The following NUP98 variants were observed in gnomAD, a reference collection of about 807,000 sequenced individuals.
NUP98 encodes nucleoporin 98 and 96 precursor, also known as nuclear pore complex protein Nup98-Nup96.
A neutral mutation model predicts 191.9 loss-of-function variants in NUP98; 26 were observed. That is an observed-to-expected ratio of 0.14 (90% CI 0.10 to 0.19). The LOEUF (loss-of-function observed/expected upper bound fraction) is 0.19, where lower values mean the gene tolerates loss of function less well. Ranked by LOEUF, NUP98 falls within the 10% of genes least tolerant of loss-of-function variation. NUP98 has a pLI of 1.00. For synonymous variants in NUP98, 808 were observed against 778.4 expected (o/e 1.04, Z -0.63); for missense variants, 1,941 against 2,178.8 (o/e 0.89, Z 2.17).
chr11:3,779,956 C>T (rs1363854363), intron 2 of NUP98, among the ~76,000 whole-genome samples: 11 of 151,636 alleles, frequency 7.3e-5, no homozygotes, highest in Admixed American at 3.9e-4. Flanking sequence ...GGTGAAATCC[C>T]GCCTCTACTA....
chr11:3,768,839 T>G, intron 7 of NUP98, 95 bp from the exon 8 acceptor site: 1 of 988,084 alleles, frequency 1.0e-6, no homozygotes, highest in South Asian at 2.3e-5. Context: ...GTTGTTGTAA[T>G]AGTCTTTATG....
At chr11:3,781,972 A>C (rs2081984674) in intron 2 of NUP98, 70 bp downstream of exon 2, 1 of 995,302 alleles carries the variant, frequency 1.0e-6, no homozygotes, top group African/African-American at 1.6e-5. Flanking sequence ...CCTAAAGCTT[A>C]TCAGAGTGGA....
intron 22 of NUP98, among the ~76,000 whole-genome samples, chr11:3,704,730 G>A (rs2078807262): frequency 6.6e-6 from 1 of 152,182 alleles, no homozygotes; most frequent in Non-Finnish European, 1.5e-5. Flanking sequence ...CTCCTGCCAG[G>A]TGCAATGACG....
At chr11:3,790,340 A>T (rs917351453) in intron 1 of NUP98, among the ~76,000 whole-genome samples, 3 of 152,198 alleles carry the variant, frequency 2.0e-5, no homozygotes, top group Admixed American at 2.0e-4. Context: ...GTGAAGAGGG[A>T]GTAGGTACAG....
intron 5 of NUP98, among the ~76,000 whole-genome samples, chr11:3,775,110 G>A (rs563660555): frequency 6.6e-6 from 1 of 152,028 alleles, no homozygotes. Flanking sequence ...CTCAAAAAAA[G>A]AACACATACA....
chr11:3,688,826 T>C (rs868812546), intron 28 of NUP98, among the ~76,000 whole-genome samples: 2 of 138,292 alleles, frequency 1.4e-5, no homozygotes, highest in African/African-American at 3.1e-5. Context: ...TATACATATA[T>C]ATATATATAT....
In NUP98 at chr11:3,723,357, G is replaced by C. The variant is rs2079482091; in HGVS notation, c.1946C>G (p.Pro649Arg). 6.2e-7 allele frequency: 1 copy of C among 1,614,056 alleles called. No homozygotes were observed. Among genetic ancestry groups the C allele is most frequent in the Non-Finnish European group, 8.5e-7 (1 of 1,179,996 alleles). The change falls in exon 16 of 33, where the codon CCT becomes CGT. Residue 649 changes from proline (P) to arginine (R), a missense_variant. Physicochemically the swap from Pro to Arg is moderately radical, Grantham distance 103. Coordinates refer to ENST00000324932, the MANE Select transcript of NUP98 (RefSeq NM_016320.5). Reference sequence around the variant, plus strand: ...AGCACTTTCTGGGGTTTGAGGAATAGGTTTGGCAATAGGGTTAGTATAAAA... The same window carrying C: ...AGCACTTTCTGGGGTTTGAGGAATACGTTTGGCAATAGGGTTAGTATAAAA... Reference protein sequence around the residue: ...SHFYTNPIAKPIPQTPESAGN... With the variant: ...SHFYTNPIAKRIPQTPESAGN...
At chr11:3,734,593 G>A (rs1346377726) in intron 13 of NUP98, among the ~76,000 whole-genome samples, 1 of 152,116 alleles carries the variant, frequency 6.6e-6, no homozygotes. Context: ...GGATCAAACA[G>A]ACCAAAGACT....
intron 5 of NUP98, among the ~76,000 whole-genome samples, chr11:3,774,718 A>G (rs2133918538): frequency 6.6e-6 from 1 of 152,294 alleles, no homozygotes; most frequent in East Asian, 1.9e-4. Context: ...AAAAAAAAAA[A>G]AGAAATATGG....
intron 18 of NUP98, among the ~76,000 whole-genome samples, chr11:3,715,307 C>T (rs1386936485): frequency 6.6e-6 from 1 of 152,130 alleles, no homozygotes; most frequent in Non-Finnish European, 1.5e-5. Flanking sequence ...CCACAACACC[C>T]AGCTAATTTT....
chr11:3,760,818 CG>C (rs772871884), intron 9 of NUP98, among the ~76,000 whole-genome samples, 192 bp from the exon 10 acceptor site: 58 of 152,182 alleles, frequency 3.8e-4, no homozygotes, highest in Admixed American at 1.0e-3. Context: ...TTTATAAACA[CG>C]GAATGCTTCT....
At chr11:3,791,071 AT>A (rs1589985861) in intron 1 of NUP98, among the ~76,000 whole-genome samples, 1 of 151,714 alleles carries the variant, frequency 6.6e-6, no homozygotes, top group Non-Finnish European at 1.5e-5. Context: ...AATTTTTTGT[AT>A]TTTTAGTAGA....
rs535653486 is a variant in NUP98 at position 3,718,612 on chromosome 11, G to C, written c.2399+800C>G. On this transcript the variant is annotated intron_variant, in intron 18 of 32. Coordinates refer to ENST00000324932, the MANE Select transcript of NUP98 (RefSeq NM_016320.5). ...AGCGGAAGGGGAAAGGAAAGGAAAG[G>C]ATCGATTGATCTGCTCAGATTTTCT... Among the ~76,000 whole-genome samples, 3 of 152,116 alleles carry C rather than the reference G, an allele frequency of 2.0e-5. No individual in the cohort carries two copies. The East Asian group carries it at 5.8e-4, about 29-fold the overall frequency.
At chr11:3,683,866 T>C (rs2078055238) in intron 29 of NUP98, among the ~76,000 whole-genome samples, 1 of 151,960 alleles carries the variant, frequency 6.6e-6, no homozygotes, top group Non-Finnish European at 1.5e-5. Context: ...CACTTTAAGC[T>C]TCACTAAAAA....
intron 12 of NUP98, among the ~76,000 whole-genome samples, chr11:3,740,494 G>A (rs1589849668): frequency 6.6e-6 from 1 of 151,546 alleles, no homozygotes; most frequent in South Asian, 2.1e-4. Flanking sequence ...TCCAGTCTTG[G>A]GGAGAGAGCA....
At chr11:3,790,602 G>A (rs771861954) in intron 1 of NUP98, among the ~76,000 whole-genome samples, 15 of 152,160 alleles carry the variant, frequency 9.9e-5, no homozygotes, top group Non-Finnish European at 1.0e-4. Flanking sequence ...TGGGAACTCA[G>A]CATGAATCAA....
intron 1 of NUP98, among the ~76,000 whole-genome samples, chr11:3,791,719 T>C (rs1246146728): frequency 6.6e-6 from 1 of 151,568 alleles, no homozygotes; most frequent in Non-Finnish European, 1.5e-5. Flanking sequence ...GGCACCTGCC[T>C]GTAATCCCAG....
In NUP98 at chr11:3,699,107, C is replaced by T. The variant is rs1203706162; in HGVS notation, c.3984G>A (p.Glu1328=). ...CTGACTGCTGGGCCAGAGAGCAGGC[C>T]TCACTGATCCTTTTGCCTGTGAGGT... ...FSYLTGKRIS[E]ACSLAQQSGD... The change falls in exon 25 of 33, where the codon GAG becomes GAA. Residue 1328 remains glutamate (E), a synonymous_variant. Coordinates refer to ENST00000324932, the MANE Select transcript of NUP98 (RefSeq NM_016320.5). 1 of 1,612,926 alleles carries T rather than the reference C, an allele frequency of 6.2e-7. No homozygotes were observed. The highest frequency in any genetic ancestry group is 8.5e-7 in the Non-Finnish European group (1 of 1,180,024).
intron 8 of NUP98, among the ~76,000 whole-genome samples, chr11:3,765,129 T>G (rs2081294527): frequency 6.6e-6 from 1 of 152,238 alleles, no homozygotes; most frequent in South Asian, 2.1e-4. Context: ...TTCAAGTATT[T>G]TCTTCCACTT....
Sources: allele counts gnomAD v4.1 joint callset (sites outside exome capture counted in the v4.1 genomes callset), GRCh38; gene constraint gnomAD v4.1.1; transcripts MANE v1.5; gene names NCBI Gene and HGNC (gene_info 2026-07-23, HGNC 2026-07-21).